SORCS1: variants seen among roughly 807,000 people sequenced by gnomAD.
The protein encoded by SORCS1 is sortilin related VPS10 domain containing receptor 1.
Under a neutral mutation model 146.1 loss-of-function variants are expected in SORCS1, and 60 were observed. The observed-to-expected ratio is 0.41, with a 90% CI of 0.33 to 0.51. The LOEUF (loss-of-function observed/expected upper bound fraction) is 0.51, where lower values mean the gene tolerates loss of function less well. Ranked by LOEUF, SORCS1 falls within the 20% of genes least tolerant of loss-of-function variation. SORCS1 has a pLI of 0.21. For missense variants in SORCS1, 1,352 were observed against 1,487.6 expected (o/e 0.91, Z 1.50); for synonymous variants, 637 against 584.0 (o/e 1.09, Z -1.31).
intron 1 of SORCS1, among the ~76,000 whole-genome samples, chr10:107,017,427 C>G (rs1197840209): frequency 6.6e-6 from 1 of 152,182 alleles, no homozygotes; most frequent in East Asian, 1.9e-4. Context: ...GTGTATAATT[C>G]TATTTACAAA....
intron 9 of SORCS1, among the ~76,000 whole-genome samples, chr10:106,696,881 C>T (rs1853744435): frequency 6.6e-6 from 1 of 152,092 alleles, no homozygotes; most frequent in Admixed American, 6.5e-5. Flanking sequence ...GAATCAATTC[C>T]ATGTTGACAC....
intron 2 of SORCS1, among the ~76,000 whole-genome samples, chr10:106,878,514 A>G (rs1460774900): frequency 1.3e-5 from 2 of 150,406 alleles, no homozygotes; most frequent in Non-Finnish European, 3.0e-5. Context: ...ATCATCTATG[A>G]ACCCCATAAA....
intron 3 of SORCS1, among the ~76,000 whole-genome samples, chr10:106,782,283 T>A (rs186894909): frequency 2.8e-4 from 42 of 152,322 alleles, no homozygotes; most frequent in African/African-American, 9.9e-4. Context: ...AAACATTTTT[T>A]AAGACAAGAT....
At chr10:107,149,385 A>T (rs572578639) in intron 1 of SORCS1, among the ~76,000 whole-genome samples, 1 of 152,130 alleles carries the variant, frequency 6.6e-6, no homozygotes, top group South Asian at 2.1e-4. Flanking sequence ...GTAAAAAAAA[A>T]TCGCGCTTTA....
chr10:107,160,291 C>T (rs2134919255), intron 1 of SORCS1, among the ~76,000 whole-genome samples: 1 of 152,324 alleles, frequency 6.6e-6, no homozygotes, highest in East Asian at 1.9e-4. Context: ...GGAATAGGAT[C>T]ACTTTGGGTG....
At chr10:107,054,993 C>G (rs1334428925) in intron 1 of SORCS1, among the ~76,000 whole-genome samples, 4 of 152,248 alleles carry the variant, frequency 2.6e-5, no homozygotes, top group East Asian at 3.9e-4. Flanking sequence ...TAGTCAGAGA[C>G]ACAGACATGA....
chr10:106,894,248 T>G (rs917519891), intron 2 of SORCS1, among the ~76,000 whole-genome samples: 1 of 148,128 alleles, frequency 6.8e-6, no homozygotes, highest in African/African-American at 2.5e-5. Flanking sequence ...TGTGTGTGTG[T>G]GTGTGCGCGC....
intron 2 of SORCS1, among the ~76,000 whole-genome samples, chr10:106,861,039 T>C (rs752482035): frequency 4.6e-5 from 7 of 152,162 alleles, no homozygotes; most frequent in Non-Finnish European, 8.8e-5. Flanking sequence ...GCCAATGTGT[T>C]TCACTCTCTT....
intron 3 of SORCS1, among the ~76,000 whole-genome samples, chr10:106,777,950 G>A (rs878993705): frequency 2.0e-5 from 3 of 152,054 alleles, no homozygotes; most frequent in Admixed American, 1.3e-4. Context: ...TGCAGCCCAA[G>A]GATTAAAGAT....
intron 1 of SORCS1, among the ~76,000 whole-genome samples, chr10:107,109,592 C>T (rs1436921260): frequency 6.6e-6 from 1 of 152,192 alleles, no homozygotes; most frequent in Non-Finnish European, 1.5e-5. Context: ...ACCTCTGGGC[C>T]TATGATGAGA....
intron 2 of SORCS1, among the ~76,000 whole-genome samples, chr10:106,939,656 C>T (rs944778071): frequency 3.3e-5 from 5 of 152,128 alleles, no homozygotes; most frequent in Admixed American, 1.3e-4. Flanking sequence ...GCTAATACAT[C>T]CCAGCAGGAG....
In SORCS1 at chr10:106,910,326, T is replaced by C. The variant is rs539998277; in HGVS notation, c.626+46187A>G. ...GTGTGTGTGTGTGTGAGACAGTATA[T>C]ATATATAGAGAGTGAGCGAGCTCAC... is the stretch of plus-strand genomic sequence containing the variant. On this transcript the variant is annotated intron_variant, in intron 2 of 25. Coordinates refer to ENST00000263054, the MANE Select transcript of SORCS1 (RefSeq NM_052918.5). 1.2e-4 allele frequency among the ~76,000 whole-genome samples: 13 copies of C among 106,354 alleles called. No individual in the cohort carries two copies. In the South Asian group the frequency reaches 3.5e-3, roughly 28 times the overall value. 69.8% of individuals were successfully genotyped at this position (106,354 alleles called of 152,430 possible).
intron 2 of SORCS1, among the ~76,000 whole-genome samples, chr10:106,928,092 G>A (rs796145802): frequency 6.6e-5 from 10 of 152,358 alleles, no homozygotes; most frequent in African/African-American, 2.4e-4. Context: ...TGCCAGTCCC[G>A]CGCCGTGCAC....
At chr10:106,585,095 G>T (rs1057356509) in intron 24 of SORCS1, among the ~76,000 whole-genome samples, 19 of 152,090 alleles carry the variant, frequency 1.2e-4, no homozygotes, top group African/African-American at 4.3e-4. Context: ...ATGGTGGCAG[G>T]CACCTGTAGT....
At chr10:106,629,847 C>T (rs1340807618) in intron 18 of SORCS1, among the ~76,000 whole-genome samples, 1 of 152,232 alleles carries the variant, frequency 6.6e-6, no homozygotes, top group East Asian at 1.9e-4. Context: ...AGATCAAGAC[C>T]ATCCTGGCCA....
At chr10:106,943,922 C>A (rs1203830974) in intron 2 of SORCS1, among the ~76,000 whole-genome samples, 1 of 152,138 alleles carries the variant, frequency 6.6e-6, no homozygotes, top group Non-Finnish European at 1.5e-5. Context: ...CTGGAATGTC[C>A]AAGACAAAAG....
intron 3 of SORCS1, among the ~76,000 whole-genome samples, chr10:106,787,558 AT>A (rs1946111828): frequency 1.3e-5 from 2 of 152,196 alleles, no homozygotes; most frequent in East Asian, 3.9e-4. Flanking sequence ...GCTCCAAGTT[AT>A]TACCAACAGG....
chr10:107,073,091 A>C (rs1962578372), intron 1 of SORCS1, among the ~76,000 whole-genome samples: 1 of 152,184 alleles, frequency 6.6e-6, no homozygotes. Context: ...AATTACAATG[A>C]GCTACGGCTT....
intron 1 of SORCS1, among the ~76,000 whole-genome samples, chr10:107,047,864 T>C (rs563864786): frequency 2.6e-5 from 4 of 152,078 alleles, no homozygotes; most frequent in African/African-American, 7.2e-5. Flanking sequence ...GCAGATTGCC[T>C]AAGCTCAGGA....
Sources: allele counts gnomAD v4.1 joint callset (sites outside exome capture counted in the v4.1 genomes callset), GRCh38; gene constraint gnomAD v4.1.1; transcripts MANE v1.5; gene names NCBI Gene and HGNC (gene_info 2026-07-23, HGNC 2026-07-21).